ZNRF3: variants seen among roughly 807,000 people sequenced by gnomAD.
ZNRF3 encodes E3 ubiquitin-protein ligase ZNRF3.
A neutral mutation model predicts 72.5 loss-of-function variants in ZNRF3; 23 were observed. The observed-to-expected ratio is 0.32, with a 90% CI of 0.23 to 0.45. ZNRF3 has a LOEUF of 0.45. Among genes scored for constraint, ZNRF3 ranks in the 20% least tolerant of loss-of-function variants. The pLI is 1.00. For missense variants in ZNRF3, 1,169 were observed against 1,272.1 expected (o/e 0.92, Z 1.23); for synonymous variants, 610 against 545.3 (o/e 1.12, Z -1.65).
In ZNRF3 at chr22:28,944,748, C is replaced by A. The variant is rs1378041484; in HGVS notation, c.301-42328C>A. ...CCAGCCTAGGTGACAAAGCGAGACT[C>A]CATCTCAAAAAAAAAAAAAAAAAAA... is the stretch of plus-strand genomic sequence containing the variant. On this transcript the variant is annotated intron_variant, in intron 1 of 8. Coordinates refer to ENST00000544604, the MANE Select transcript of ZNRF3 (RefSeq NM_001206998.2). Among the ~76,000 whole-genome samples the A allele has an allele frequency of 6.4e-5, 7 of 109,084 alleles. No homozygotes were observed. The South Asian group carries it at 2.6e-3, about 40-fold the overall frequency. The allele number at this position is 109,084 out of a possible 152,430, so 71.6% of individuals were successfully genotyped here.
intron 1 of ZNRF3, among the ~76,000 whole-genome samples, chr22:28,965,234 T>C (rs1235111377): frequency 6.6e-6 from 1 of 152,174 alleles, no homozygotes; most frequent in African/African-American, 2.4e-5. Flanking sequence ...GTTGTTAAGA[T>C]TGGAGATAAT....
chr22:28,989,869 G>A (rs746224841), intron 2 of ZNRF3, among the ~76,000 whole-genome samples: 9 of 152,148 alleles, frequency 5.9e-5, no homozygotes, highest in Non-Finnish European at 8.8e-5. Context: ...ATTAAAACAC[G>A]TAAATGCCTC....
At chr22:28,955,443 T>C (rs756546794) in intron 1 of ZNRF3, among the ~76,000 whole-genome samples, 1 of 152,184 alleles carries the variant, frequency 6.6e-6, no homozygotes, top group Non-Finnish European at 1.5e-5. Context: ...GTCTGTTGTT[T>C]TAAAAAGTCC....
chr22:28,886,949 C>T (rs541375527), intron 1 of ZNRF3, among the ~76,000 whole-genome samples: 1 of 151,872 alleles, frequency 6.6e-6, no homozygotes, highest in Admixed American at 6.6e-5. Context: ...GAGCGAGACA[C>T]TCTCTCAAAA....
intron 2 of ZNRF3, among the ~76,000 whole-genome samples, chr22:28,995,977 T>C (rs902675125): frequency 2.0e-5 from 3 of 152,244 alleles, no homozygotes; most frequent in Admixed American, 6.5e-5. Flanking sequence ...GGTTTTGCCA[T>C]GTTGCCCAGG....
chr22:28,987,461 C>T (rs2035875272), intron 2 of ZNRF3, among the ~76,000 whole-genome samples: 1 of 152,188 alleles, frequency 6.6e-6, no homozygotes, highest in South Asian at 2.1e-4. Context: ...CAAGTTGCTT[C>T]CCCTCAAGGA....
At chr22:28,958,552 A>G (rs2035300020) in intron 1 of ZNRF3, among the ~76,000 whole-genome samples, 1 of 152,128 alleles carries the variant, frequency 6.6e-6, no homozygotes, top group Admixed American at 6.5e-5. Context: ...TGGGGCAGTA[A>G]TCACTCTCCT....
At chr22:28,985,177 G>A (rs374410408) in intron 1 of ZNRF3, among the ~76,000 whole-genome samples, 4 of 152,156 alleles carry the variant, frequency 2.6e-5, no homozygotes, top group African/African-American at 9.7e-5. Flanking sequence ...GAGGTTACCT[G>A]CCTGCCTAAA....
At chr22:28,909,661 G>A (rs1415184243) in intron 1 of ZNRF3, among the ~76,000 whole-genome samples, 1 of 151,608 alleles carries the variant, frequency 6.6e-6, no homozygotes, top group African/African-American at 2.4e-5. Flanking sequence ...GCTCACTGAA[G>A]CCTCCACCAC....
chr22:29,044,581 C>G lies in ZNRF3; in HGVS notation c.634-199C>G, dbSNP rs184642749. On this transcript the variant is annotated intron_variant, in intron 4 of 8. Coordinates refer to ENST00000544604, the MANE Select transcript of ZNRF3 (RefSeq NM_001206998.2). Reference sequence around the variant, plus strand: ...GGCTGAGATCGCCACAGGCGTCCCCCTGGGCCACACCAAAGGCACTACATG... The same window carrying G: ...GGCTGAGATCGCCACAGGCGTCCCCGTGGGCCACACCAAAGGCACTACATG... Among the ~76,000 whole-genome samples, 8 of 152,376 alleles carry G rather than the reference C, an allele frequency of 5.3e-5. No homozygotes were observed. The East Asian group carries it at 1.5e-3, about 29-fold the overall frequency.
chr22:28,887,440 G>A (rs2033812854), intron 1 of ZNRF3, among the ~76,000 whole-genome samples: 2 of 151,866 alleles, frequency 1.3e-5, no homozygotes, highest in Admixed American at 6.6e-5. Flanking sequence ...GAGGGAGGGA[G>A]GTAGTAATTC....
intron 1 of ZNRF3, among the ~76,000 whole-genome samples, chr22:28,986,872 A>G (rs1374134689): frequency 6.6e-6 from 1 of 152,194 alleles, no homozygotes; most frequent in Non-Finnish European, 1.5e-5. Flanking sequence ...CATAACATAC[A>G]TTTATAATGG....
Position 29,048,575 on chromosome 22 carries a change from A to C in ZNRF3, c.1015+84A>C. 1 of 1,401,656 alleles carries C rather than the reference A, an allele frequency of 7.1e-7. No individual in the cohort carries two copies. The highest frequency in any genetic ancestry group is 1.0e-6 in the Non-Finnish European group (1 of 996,990). 86.8% of individuals were successfully genotyped at this position (1,401,656 alleles called of 1,614,324 possible). On this transcript the variant is annotated intron_variant, in intron 7 of 8. Coordinates refer to ENST00000544604, the MANE Select transcript of ZNRF3 (RefSeq NM_001206998.2). The surrounding 1 kb of genome is among the most constrained non-coding windows in gnomAD (Gnocchi z 4.9). Reference sequence around the variant, plus strand: ...ACACACCGCAGGCTTGGGAACACTCAGAACCACCGTGGCACTGCCCTCTGG... The same window carrying C: ...ACACACCGCAGGCTTGGGAACACTCCGAACCACCGTGGCACTGCCCTCTGG...
intron 1 of ZNRF3, among the ~76,000 whole-genome samples, chr22:28,890,416 C>T (rs528497781): frequency 6.6e-6 from 1 of 152,254 alleles, no homozygotes; most frequent in Admixed American, 6.5e-5. Context: ...AGGAGAATGG[C>T]GTGAACCCAG....
At chr22:28,966,754 G>GT (rs1184513139) in intron 1 of ZNRF3, among the ~76,000 whole-genome samples, 1 of 150,812 alleles carries the variant, frequency 6.6e-6, no homozygotes, top group African/African-American at 2.4e-5. Flanking sequence ...TTAAAATTAA[G>GT]TTTATAAAGT....
chr22:29,000,190 C>T lies in ZNRF3; in HGVS notation c.426+12989C>T, dbSNP rs545145805. Among the ~76,000 whole-genome samples the T allele has an allele frequency of 2.0e-5, 3 of 152,282 alleles. No individual in the cohort carries two copies. In the South Asian group the frequency reaches 6.2e-4, roughly 32 times the overall value. On this transcript the variant is annotated intron_variant, in intron 2 of 8. Transcript: ENST00000544604. ...AGTTATAAAAATAATAAAAGAGTTTCAACACATTCCATTTGTTCTAAGCAC... is the reference window on the plus strand; with the variant it reads ...AGTTATAAAAATAATAAAAGAGTTTTAACACATTCCATTTGTTCTAAGCAC...
chr22:29,053,345 C>T (rs558587555), intron 8 of ZNRF3, among the ~76,000 whole-genome samples: 2 of 152,322 alleles, frequency 1.3e-5, no homozygotes, highest in South Asian at 2.1e-4. Context: ...ATTGGGCTTT[C>T]GTGCTACCTG....
intron 1 of ZNRF3, among the ~76,000 whole-genome samples, chr22:28,947,472 A>G (rs2035073919): frequency 6.6e-6 from 1 of 152,240 alleles, no homozygotes; most frequent in South Asian, 2.1e-4. Context: ...ATTTCCCATC[A>G]GTAGTGTATG....
intron 1 of ZNRF3, among the ~76,000 whole-genome samples, chr22:28,965,702 G>A (rs973311717): frequency 6.6e-6 from 1 of 152,232 alleles, no homozygotes; most frequent in Non-Finnish European, 1.5e-5. Flanking sequence ...GACTCTGAAA[G>A]TGATGAGTGA....
Sources: gnomAD v4.1 joint callset for allele counts (sites outside exome capture counted in the v4.1 genomes callset) on GRCh38, gnomAD v4.1.1 for gene constraint, Gnocchi (gnomAD v3.1) non-coding constraint, MANE v1.5 for transcripts, NCBI Gene and HGNC (gene_info 2026-07-23, HGNC 2026-07-21) for gene names.